CNNM2: variants seen among roughly 807,000 people sequenced by gnomAD.
CNNM2 encodes the protein cyclin and CBS domain divalent metal cation transport mediator 2.
CNNM2 carries 12 observed loss-of-function variants against 66.9 expected under a neutral mutation model. That is an observed-to-expected ratio of 0.18 (90% CI 0.11 to 0.29). The LOEUF is 0.29. Ranked by LOEUF, CNNM2 falls within the 10% of genes least tolerant of loss-of-function variation. The probability of loss-of-function intolerance (pLI) is 1.00; values close to 1 mark genes in which losing one functional copy is unlikely to be tolerated. For missense variants in CNNM2, 705 were observed against 1,167.7 expected (o/e 0.60, Z 5.77); for synonymous variants, 557 against 501.8 (o/e 1.11, Z -1.47).
At chr10:102,996,246 A>G (rs1288033568) in intron 1 of CNNM2, among the ~76,000 whole-genome samples, 7 of 139,508 alleles carry the variant, frequency 5.0e-5, no homozygotes, top group Admixed American at 3.5e-4. Context: ...TTTTTTTTCT[A>G]TTGTTTTTCT....
chr10:103,022,823 C>T (rs1285061905), intron 1 of CNNM2, among the ~76,000 whole-genome samples: 6 of 152,092 alleles, frequency 3.9e-5, no homozygotes, highest in Admixed American at 1.3e-4. Flanking sequence ...AGGAAGTTTA[C>T]GATCATGGTG....
In CNNM2 at chr10:103,090,193, A is replaced by ACAGAT. The variant is rs2066364356; in HGVS notation, c.*13018_*13022dup. 1.0e-5 allele frequency: 4 copies of ACAGAT among 389,628 alleles called. No individual in the cohort carries two copies. In the East Asian group the frequency reaches 1.6e-4, roughly 16 times the overall value. The allele number at this position is 389,628 out of a possible 1,614,324, so 24.1% of individuals were successfully genotyped here. On this transcript the variant is annotated 3_prime_UTR_variant, in exon 8 of 8. Coordinates refer to ENST00000369878, the MANE Select transcript of CNNM2 (RefSeq NM_017649.5). ...ACAGCAAAAACAAGATAGTCCTGAA[A>ACAGAT]CAGATCAGAATAAAGGAATGTAAAA...
At chr10:102,972,895 T>C (rs992164875) in intron 1 of CNNM2, among the ~76,000 whole-genome samples, 1 of 152,226 alleles carries the variant, frequency 6.6e-6, no homozygotes, top group African/African-American at 2.4e-5. Context: ...ACTGTAACTG[T>C]ACAATCAAGT....
At chr10:103,072,171 G>C (rs1220431141) in intron 6 of CNNM2, among the ~76,000 whole-genome samples, 2 of 152,124 alleles carry the variant, frequency 1.3e-5, no homozygotes, top group African/African-American at 2.4e-5. Context: ...GACTGTTCTT[G>C]GTTCTTATTC....
chr10:102,998,370 G>C (rs896212943), intron 1 of CNNM2, among the ~76,000 whole-genome samples: 2 of 152,194 alleles, frequency 1.3e-5, no homozygotes, highest in African/African-American at 4.8e-5. Flanking sequence ...TACTGTTAAA[G>C]ATAAGTACTT....
rs1013814889 is a variant in CNNM2, at chr10:103,087,373, C to T, written c.*10193C>T. ...TATGGAATCCTAGAGCTCTTGAATA[C>T]GTTTTGGTGGTCCTACGGAGAGCTG... is the stretch of plus-strand genomic sequence containing the variant. On this transcript the variant is annotated 3_prime_UTR_variant, in exon 8 of 8. Transcript: ENST00000369878. 5 of 151,998 alleles carry T rather than the reference C, an allele frequency of 3.3e-5. No homozygotes were observed. The highest frequency in any genetic ancestry group is 2.1e-4 in the South Asian group (1 of 4,806). 9.4% of individuals were successfully genotyped at this position (151,998 alleles called of 1,614,324 possible).
At chr10:103,000,505 G>A (rs920555889) in intron 1 of CNNM2, among the ~76,000 whole-genome samples, 2 of 151,952 alleles carry the variant, frequency 1.3e-5, no homozygotes, top group Non-Finnish European at 2.9e-5. Flanking sequence ...TCAGGATGGA[G>A]TGCAGTGGTG....
rs750109701 is a variant in CNNM2, at chr10:102,918,610, G to C, written c.130G>C (p.Ala44Pro). The change falls in exon 1 of 8, where the codon GCT becomes CCT. Residue 44 changes from alanine to proline, a missense_variant. Transcript: ENST00000369878. The surrounding 1 kb of genome is among the most constrained non-coding windows in gnomAD (Gnocchi z 4.1). ...SARGRGILQA[A>P]AGRLLPLLLL... ...TCGCGGCCGGGGGATCCTGCAGGCG[G>C]CTGCGGGGCGGCTGCTGCCGCTGCT... 1 of 1,550,388 alleles carries C rather than the reference G, an allele frequency of 6.4e-7. No homozygotes were observed. Among genetic ancestry groups the C allele is most frequent in the East Asian group, 2.5e-5 (1 of 40,698 alleles).
At position 102,918,486 on chromosome 10, in the gene CNNM2, T is replaced by A. The variant is rs1389127385; in HGVS notation, c.6T>A (p.Ile2=). 1.2e-6 allele frequency: 2 copies of A among 1,606,300 alleles called. No individual in the cohort carries two copies. Among genetic ancestry groups the A allele is most frequent in the Non-Finnish European group, 1.7e-6 (2 of 1,178,142 alleles). ...GCAGCTGGAGCAGCCACCCTATGAT[T>A]GGCTGTGGCGCTTGTGAACCCAAAG... M[I]GCGACEPKVK... The change falls in exon 1 of 8, where the codon ATT becomes ATA. Residue 2 remains isoleucine (I), a synonymous_variant. Coordinates refer to ENST00000369878, the MANE Select transcript of CNNM2 (RefSeq NM_017649.5). This position sits in a 1 kb window ranked among gnomAD's most constrained non-coding sequence, Gnocchi z 4.1.
chr10:102,971,572 T>A (rs1237180781), intron 1 of CNNM2, among the ~76,000 whole-genome samples: 1 of 152,222 alleles, frequency 6.6e-6, no homozygotes, highest in African/African-American at 2.4e-5. Flanking sequence ...GTGGCTGTTT[T>A]TTTCAGAAAT....
At chr10:103,004,516 C>T (rs2064188123) in intron 1 of CNNM2, among the ~76,000 whole-genome samples, 1 of 152,126 alleles carries the variant, frequency 6.6e-6, no homozygotes, top group Non-Finnish European at 1.5e-5. Flanking sequence ...CATCAGTTTC[C>T]TGGGAATCTT....
chr10:102,921,020 C>T (rs910994018), intron 1 of CNNM2: 5 of 902,488 alleles, frequency 5.5e-6, no homozygotes, highest in Non-Finnish European at 6.6e-6. Flanking sequence ...TCATCCGATA[C>T]ATTAAGTTGA....
At chr10:102,973,516 G>GT (rs2063577888) in intron 1 of CNNM2, among the ~76,000 whole-genome samples, 2 of 144,040 alleles carry the variant, frequency 1.4e-5, no homozygotes, top group African/African-American at 5.3e-5. Context: ...GTGTGTGTGT[G>GT]TGTTTTTTTT....
chr10:103,046,663 CAGT>C (rs1564859539), intron 1 of CNNM2, among the ~76,000 whole-genome samples: 1 of 152,134 alleles, frequency 6.6e-6, no homozygotes, highest in African/African-American at 2.4e-5. Flanking sequence ...CTAAAACAAA[CAGT>C]AGAAGAGTGC....
At chr10:103,040,891 C>A (rs575396904) in intron 1 of CNNM2, among the ~76,000 whole-genome samples, 15 of 152,252 alleles carry the variant, frequency 9.9e-5, no homozygotes, top group Non-Finnish European at 2.1e-4. Flanking sequence ...AAATACAAGA[C>A]CCAGACCTGA....
rs761296478 is a variant in CNNM2, at chr10:102,949,818, T to TAAC, written c.1621+29729_1621+29731dup. On this transcript the variant is annotated intron_variant, in intron 1 of 7. Transcript: ENST00000369878. ...ATAATAATAATAACAATAATAATAATAACAACAACAACAAATAAATCACTA... is the reference window on the plus strand; with the variant it reads ...ATAATAATAATAACAATAATAATAATAACAACAACAACAACAAATAAATCACTA... Among the ~76,000 whole-genome samples, 4 of 151,904 alleles carry TAAC rather than the reference T, an allele frequency of 2.6e-5. No individual in the cohort carries two copies. In the South Asian group the frequency reaches 8.3e-4, roughly 32 times the overall value.
chr10:103,050,253 C>T (rs551991604), intron 2 of CNNM2, among the ~76,000 whole-genome samples: 11 of 152,124 alleles, frequency 7.2e-5, no homozygotes, highest in Admixed American at 2.0e-4. Flanking sequence ...AATGGGAGGC[C>T]GGGCGTGGTG....
intron 1 of CNNM2, among the ~76,000 whole-genome samples, chr10:103,043,306 G>C (rs972378638): frequency 1.3e-5 from 2 of 152,100 alleles, no homozygotes; most frequent in Admixed American, 1.3e-4. Flanking sequence ...GCTATATCAC[G>C]TTGTTCCTAA....
chr10:102,976,424 C>CTTTTT (rs2063629795), intron 1 of CNNM2, among the ~76,000 whole-genome samples: 2 of 77,272 alleles, frequency 2.6e-5, no homozygotes, highest in Admixed American at 1.6e-4. Flanking sequence ...CCAATTCTTG[C>CTTTTT]CTTTTTTTTT....
Sources: allele counts gnomAD v4.1 joint callset (sites outside exome capture counted in the v4.1 genomes callset), GRCh38; gene constraint gnomAD v4.1.1; non-coding constraint Gnocchi (gnomAD v3.1); transcripts MANE v1.5; gene names NCBI Gene and HGNC (gene_info 2026-07-23, HGNC 2026-07-21).